SLC25A21: variants seen among roughly 807,000 people sequenced by gnomAD.
The protein encoded by SLC25A21 is mitochondrial 2-oxodicarboxylate carrier.
SLC25A21 carries 47 observed loss-of-function variants against 43.8 expected under a neutral mutation model. That is an observed-to-expected ratio of 1.07 (90% CI 0.85 to 1.37). The LOEUF (loss-of-function observed/expected upper bound fraction) is 1.37. Among genes scored for constraint, SLC25A21 ranks in the 40% most tolerant of loss-of-function variants. SLC25A21 has a pLI of 0.00. For synonymous variants in SLC25A21, 131 were observed against 121.3 expected (o/e 1.08, Z -0.52); for missense variants, 352 against 350.2 (o/e 1.00, Z -0.04).
At chr14:36,823,048 C>T (rs1029683764) in intron 2 of SLC25A21, among the ~76,000 whole-genome samples, 1 of 152,128 alleles carries the variant, frequency 6.6e-6, no homozygotes, top group African/African-American at 2.4e-5. Flanking sequence ...TTTGACATTG[C>T]AAAATGAATT....
chr14:36,825,863 T>C (rs139423167), intron 2 of SLC25A21, among the ~76,000 whole-genome samples: 2,091 of 152,266 alleles, frequency 0.014, 56 homozygotes, highest in African/African-American at 0.048. Flanking sequence ...CTGGGGTGAA[T>C]TGTCATATCT....
chr14:36,857,075 G>A (rs932808512), intron 2 of SLC25A21, among the ~76,000 whole-genome samples: 7 of 152,196 alleles, frequency 4.6e-5, no homozygotes, highest in Non-Finnish European at 1.0e-4. Flanking sequence ...ATACACTCTA[G>A]TAGCCAAATG....
At chr14:36,687,366 C>T (rs898755390) in intron 7 of SLC25A21, among the ~76,000 whole-genome samples, 1 of 152,072 alleles carries the variant, frequency 6.6e-6, no homozygotes, top group Non-Finnish European at 1.5e-5. Context: ...ATGCCTGGGT[C>T]CCGCTGCAGA....
At chr14:36,997,018 C>A (rs1027616666) in intron 1 of SLC25A21, among the ~76,000 whole-genome samples, 4 of 152,034 alleles carry the variant, frequency 2.6e-5, no homozygotes, top group Non-Finnish European at 5.9e-5. Context: ...CAGCCCAAAT[C>A]TTGGTGGGAG....
At chr14:37,158,536 T>C (rs1259842065) in intron 1 of SLC25A21, among the ~76,000 whole-genome samples, 1 of 152,138 alleles carries the variant, frequency 6.6e-6, no homozygotes, top group Admixed American at 6.5e-5. Context: ...CACCATACTT[T>C]CTTGATAAAA....
intron 1 of SLC25A21, among the ~76,000 whole-genome samples, chr14:37,167,612 T>C (rs981587733): frequency 2.6e-5 from 4 of 152,120 alleles, no homozygotes; most frequent in African/African-American, 9.7e-5. Context: ...AGCCAAAAGA[T>C]TAGAAATTAT....
chr14:36,893,888 C>T (rs1361990639), intron 1 of SLC25A21, among the ~76,000 whole-genome samples: 2 of 152,098 alleles, frequency 1.3e-5, no homozygotes, highest in African/African-American at 4.8e-5. Context: ...TGTTCTGTTC[C>T]ATTGGTATAT....
chr14:37,069,898 T>C (rs1386404065), intron 1 of SLC25A21, among the ~76,000 whole-genome samples: 1 of 152,198 alleles, frequency 6.6e-6, no homozygotes, highest in Non-Finnish European at 1.5e-5. Flanking sequence ...TGGTGGTCTA[T>C]GAAAAAGAAG....
chr14:36,790,960 C>T (rs1030946555), intron 3 of SLC25A21, among the ~76,000 whole-genome samples: 6 of 151,296 alleles, frequency 4.0e-5, no homozygotes, highest in African/African-American at 1.5e-4. Flanking sequence ...TAATAGAGTC[C>T]AAATTAAATT....
intron 3 of SLC25A21, among the ~76,000 whole-genome samples, chr14:36,749,846 C>T (rs1349748354): frequency 6.6e-6 from 1 of 152,182 alleles, no homozygotes; most frequent in Non-Finnish European, 1.5e-5. Context: ...GTTGCAGCAC[C>T]CCCATCTGAG....
At chr14:36,799,261 A>C (rs1315438611) in intron 3 of SLC25A21, among the ~76,000 whole-genome samples, 1 of 152,176 alleles carries the variant, frequency 6.6e-6, no homozygotes, top group Non-Finnish European at 1.5e-5. Context: ...AGGATGTAGA[A>C]AGGTAAAATG....
chr14:36,747,733 T>G (rs1031165942), intron 3 of SLC25A21, among the ~76,000 whole-genome samples: 1 of 152,188 alleles, frequency 6.6e-6, no homozygotes, highest in African/African-American at 2.4e-5. Flanking sequence ...TTGGTTATTA[T>G]AGTACATTCC....
intron 1 of SLC25A21, among the ~76,000 whole-genome samples, chr14:36,922,222 C>T (rs1381329362): frequency 6.6e-6 from 1 of 151,766 alleles, no homozygotes; most frequent in Non-Finnish European, 1.5e-5. Context: ...ACTGAATTTG[C>T]CCTCCTTCCA....
chr14:36,802,464 A>G (rs1173912941), intron 3 of SLC25A21, among the ~76,000 whole-genome samples: 1 of 152,214 alleles, frequency 6.6e-6, no homozygotes. Flanking sequence ...CCATATATTA[A>G]TACTGAGTGC....
intron 1 of SLC25A21, among the ~76,000 whole-genome samples, chr14:36,942,048 C>T (rs1254398395): frequency 6.6e-6 from 1 of 151,526 alleles, no homozygotes; most frequent in Non-Finnish European, 1.5e-5. Flanking sequence ...CGGAAATATG[C>T]CATCACCACT....
intron 2 of SLC25A21, among the ~76,000 whole-genome samples, chr14:36,858,669 CCT>C (rs1279012179): frequency 2.0e-5 from 3 of 152,250 alleles, no homozygotes; most frequent in Non-Finnish European, 2.9e-5. Flanking sequence ...CTCCCATTCC[CCT>C]GTTACCGCTT....
intron 5 of SLC25A21, among the ~76,000 whole-genome samples, chr14:36,728,160 T>C (rs760785127): frequency 3.9e-5 from 6 of 152,170 alleles, no homozygotes; most frequent in Non-Finnish European, 8.8e-5. Context: ...AGGGGACATT[T>C]AACAGCTGTT....
intron 1 of SLC25A21, among the ~76,000 whole-genome samples, chr14:37,118,819 T>C (rs1013204532): frequency 1.3e-5 from 2 of 152,094 alleles, no homozygotes; most frequent in Non-Finnish European, 1.5e-5. Context: ...TAAAGGTTTT[T>C]TCAGAGGCAT....
intron 3 of SLC25A21, among the ~76,000 whole-genome samples, chr14:36,753,960 A>AGAGAGAGAG (rs1491582315): frequency 2.1e-5 from 3 of 141,554 alleles, no homozygotes; most frequent in African/African-American, 2.7e-5. Context: ...AGAGAGAGAG[A>AGAGAGAGAG]AAGAGAGAGA....
Sources: allele counts gnomAD v4.1 joint callset (sites outside exome capture counted in the v4.1 genomes callset), GRCh38; gene constraint gnomAD v4.1.1; transcripts MANE v1.5; gene names NCBI Gene and HGNC (gene_info 2026-07-23, HGNC 2026-07-21).